Variants in PTGS1 observed in about 807,000 individuals in gnomAD.
PTGS1 encodes prostaglandin-endoperoxide synthase 1.
A neutral mutation model predicts 63.0 loss-of-function variants in PTGS1; 40 were observed. That is an observed-to-expected ratio of 0.63 (90% CI 0.49 to 0.83). The LOEUF (loss-of-function observed/expected upper bound fraction) is 0.83. Among genes scored for constraint, PTGS1 ranks in the 40% least tolerant of loss-of-function variants. PTGS1 has a pLI of 0.00. For missense variants in PTGS1, 709 were observed against 786.5 expected, an observed-to-expected ratio of 0.90 and a Z score of 1.18; for synonymous variants, 298 against 301.9, an observed-to-expected ratio of 0.99 and a Z score of 0.13.
chr9:122,394,172 C>A lies in PTGS1; in HGVS notation c.*1628C>A, dbSNP rs539168566. 2 of 152,490 alleles carry A rather than the reference C, an allele frequency of 1.3e-5. No individual in the cohort carries two copies. Among genetic ancestry groups the A allele is most frequent in the South Asian group, 4.1e-4 (2 of 4,828 alleles). The allele number at this position is 152,490 out of a possible 1,614,324, so 9.4% of individuals were successfully genotyped here. A position where few individuals can be genotyped will look rare whatever the true frequency, so the allele number is the denominator to read the frequency against. Reference sequence around the variant, plus strand: ...TGATCTCAGGGCAGACAGCCCTCCACTCCAGCTCTGAGACCCTTTTCTCAG... The same window carrying A: ...TGATCTCAGGGCAGACAGCCCTCCAATCCAGCTCTGAGACCCTTTTCTCAG... On this transcript the variant is annotated 3_prime_UTR_variant, in exon 11 of 11. Transcript: ENST00000362012.
chr9:122,370,971 G>A (rs1836757725), upstream of PTGS1: 2 of 1,493,898 alleles, frequency 1.3e-6, no homozygotes, highest in African/African-American at 1.4e-5. Flanking sequence ...GGAGGGAGGA[G>A]CGGGGGTGGA....
chr9:122,371,341 C>A lies in PTGS1; in HGVS notation c.94+69C>A, dbSNP rs1836792002. ...CCCCTGGCCTGGTTTCAACCCCCTCCTTTCCCCTCCAGCGGGCCCAGCTTC... is the reference window on the plus strand; with the variant it reads ...CCCCTGGCCTGGTTTCAACCCCCTCATTTCCCCTCCAGCGGGCCCAGCTTC... On this transcript the variant is annotated intron_variant, in intron 2 of 10. Transcript: ENST00000362012. The A allele has an allele frequency of 1.9e-6, 3 of 1,592,820 alleles. No homozygotes were observed. The South Asian group carries it at 3.3e-5, about 18-fold the overall frequency.
In PTGS1 at chr9:122,381,407, G is replaced by A. The variant is rs202052201; in HGVS notation, c.533G>A (p.Arg178His). The change falls in exon 6 of 11, where the codon CGC (arginine) becomes CAC (histidine). Residue 178 changes from arginine (R) to histidine (H), a missense_variant. Transcript: ENST00000362012. The stretch of plus-strand genomic sequence containing the variant: ...TTGCCAGATGCCCAGCTCCTGGCCC[G>A]CCGCTTCCTGCTCAGGAGGAAGTTC... ...KQLPDAQLLA[R>H]RFLLRRKFIP... The A allele has an allele frequency of 2.9e-5, 47 of 1,614,098 alleles. No individual in the cohort carries two copies. The highest frequency in any genetic ancestry group is 1.1e-4 in the African/African-American group (8 of 75,016).
At position 122,371,445 on chromosome 9, in the gene PTGS1, G is replaced by A. The variant is rs757416579; in HGVS notation, c.94+173G>A. Among the ~76,000 whole-genome samples, 19 of 152,240 alleles carry A rather than the reference G, an allele frequency of 1.2e-4. 1 individual carries two copies. Among genetic ancestry groups the A allele is most frequent in the Non-Finnish European group, 2.2e-4 (15 of 68,038 alleles). On this transcript the variant is annotated intron_variant, in intron 2 of 10. Coordinates refer to ENST00000362012, the MANE Select transcript of PTGS1 (RefSeq NM_000962.4). Reference sequence around the variant, plus strand: ...GGGGGCTCCCTGAAGCCCCCCCGGCGGTGTGGCCTTGGCTAATGGGCTATC... The same window carrying A: ...GGGGGCTCCCTGAAGCCCCCCCGGCAGTGTGGCCTTGGCTAATGGGCTATC...
chr9:122,388,909 G>C (rs1258870486), intron 9 of PTGS1, among the ~76,000 whole-genome samples: 1 of 152,112 alleles, frequency 6.6e-6, no homozygotes, highest in Admixed American at 6.5e-5. Flanking sequence ...ATGCATTCAC[G>C]GATGCAGAGA....
intron 2 of PTGS1, among the ~76,000 whole-genome samples, chr9:122,373,430 AG>A (rs1175390205): frequency 6.6e-6 from 1 of 152,150 alleles, no homozygotes; most frequent in Non-Finnish European, 1.5e-5. Context: ...CTCACCTAAG[AG>A]GGCAGGCGGA....
At chr9:122,380,244 G>A (rs1388158469) in intron 5 of PTGS1, among the ~76,000 whole-genome samples, 1 of 151,980 alleles carries the variant, frequency 6.6e-6, no homozygotes, top group Non-Finnish European at 1.5e-5. Context: ...TGGGTGGATT[G>A]CTTGAGCTCA....
At chr9:122,390,699 C>T (rs10306177) in intron 10 of PTGS1, among the ~76,000 whole-genome samples, 15,547 of 152,068 alleles carry the variant, frequency 0.1, 1,015 homozygotes, top group Non-Finnish European at 0.14. Flanking sequence ...AAATCGAGAC[C>T]ATCCTGGCTA....
intron 10 of PTGS1, among the ~76,000 whole-genome samples, chr9:122,391,313 TACAC>T (rs200517597): frequency 8.0e-6 from 1 of 125,090 alleles, no homozygotes; most frequent in African/African-American, 4.1e-5. Flanking sequence ...TATATACATA[TACAC>T]ACACATATAT....
At chr9:122,381,866 A>G (rs1238420) in intron 7 of PTGS1, 119 bp downstream of exon 7, 997,099 of 1,057,644 alleles carry the variant, frequency 0.94, 470,412 homozygotes, top group East Asian at 1. Flanking sequence ...GGGAGTGGGA[A>G]GCTTGTGCCA....
chr9:122,380,593 A>C (rs1312537726), intron 5 of PTGS1, among the ~76,000 whole-genome samples: 1 of 152,206 alleles, frequency 6.6e-6, no homozygotes, highest in East Asian at 1.9e-4. Context: ...ACACAGCCAC[A>C]CACATTTGTT....
chr9:122,376,644 G>A (rs754612737), intron 2 of PTGS1, among the ~76,000 whole-genome samples: 12 of 152,148 alleles, frequency 7.9e-5, no homozygotes, highest in African/African-American at 2.4e-4. Context: ...TCCCTGTAAC[G>A]TTGGCTCTGA....
chr9:122,375,435 C>T (rs1032698629), intron 2 of PTGS1: 3 of 985,416 alleles, frequency 3.0e-6, no homozygotes, highest in African/African-American at 1.7e-5. Context: ...TCCTTTTGGT[C>T]AGGCTGGAGG....
At chr9:122,382,161 G>A (rs942420155) in intron 7 of PTGS1, among the ~76,000 whole-genome samples, 1 of 152,080 alleles carries the variant, frequency 6.6e-6, no homozygotes, top group Non-Finnish European at 1.5e-5. Flanking sequence ...GTTTAAATCA[G>A]AACGGTCCAA....
At chr9:122,371,020 G>T (rs1037133661), upstream of PTGS1, 2 of 1,544,452 alleles carry the variant, frequency 1.3e-6, no homozygotes, top group Admixed American at 1.9e-5. Context: ...CTGGAGCTCC[G>T]GGCAGTGTGC....
intron 8 of PTGS1, among the ~76,000 whole-genome samples, chr9:122,384,597 C>T (rs1837757133): frequency 1.3e-5 from 2 of 152,142 alleles, no homozygotes; most frequent in Non-Finnish European, 1.5e-5. Flanking sequence ...CCATTTAACT[C>T]CCCTACAACC....
chr9:122,381,684 T>C lies in PTGS1; in HGVS notation c.699T>C (p.Tyr233=), dbSNP rs774026967. The stretch of plus-strand genomic sequence containing the variant: ...CACAGGTAGACCTCGGCCACATTTA[T>C]GGAGACAATCTGGAGCGTCAGTATC... ...LGHGVDLGHI[Y]GDNLERQYQL... The change falls in exon 7 of 11, where the codon TAT becomes TAC. Residue 233 remains tyrosine, a synonymous_variant. Transcript: ENST00000362012. 7.4e-6 allele frequency: 12 copies of C among 1,614,182 alleles called. No individual in the cohort carries two copies. In the Admixed American group the frequency reaches 1.7e-4, roughly 22 times the overall value.
At chr9:122,383,196 GT>G (rs1293079791) in intron 7 of PTGS1, among the ~76,000 whole-genome samples, 1,767 of 141,310 alleles carry the variant, frequency 0.013, 18 homozygotes, top group South Asian at 0.021. Flanking sequence ...TTTTTTTTAA[GT>G]TTTTTTTTTC....
chr9:122,373,919 G>A (rs1463433274), intron 2 of PTGS1, among the ~76,000 whole-genome samples: 1 of 152,076 alleles, frequency 6.6e-6, no homozygotes, highest in Non-Finnish European at 1.5e-5. Context: ...CTCTTTAGGG[G>A]ATTTGGGTCC....
Sources: gnomAD v4.1 joint callset for allele counts (sites outside exome capture counted in the v4.1 genomes callset) on GRCh38, gnomAD v4.1.1 for gene constraint, MANE v1.5 for transcripts, NCBI Gene and HGNC (gene_info 2026-07-23, HGNC 2026-07-21) for gene names.